The following LRCH1 variants were observed in gnomAD, a reference collection of about 807,000 sequenced individuals.
LRCH1 encodes leucine-rich repeat and calponin homology domain-containing protein 1.
Under a neutral mutation model 94.9 loss-of-function variants are expected in LRCH1, and 23 were observed. That is an observed-to-expected ratio of 0.24 (90% CI 0.17 to 0.34). The LOEUF is 0.34. LRCH1 is among the 10% of genes least tolerant of loss of function. The probability of loss-of-function intolerance (pLI) is 1.00; values close to 1 mark genes in which losing one functional copy is unlikely to be tolerated. For synonymous variants in LRCH1, 364 were observed against 354.9 expected (o/e 1.03, Z -0.29); for missense variants, 790 against 945.9 (o/e 0.84, Z 2.16).
At chr13:46,708,885 C>T (rs1200936245) in intron 13 of LRCH1, among the ~76,000 whole-genome samples, 1 of 152,188 alleles carries the variant, frequency 6.6e-6, no homozygotes, top group Non-Finnish European at 1.5e-5. Flanking sequence ...TTAGCATTCT[C>T]ACTTGAAGTG....
chr13:46,635,274 C>T (rs1413621057), intron 1 of LRCH1, among the ~76,000 whole-genome samples: 1 of 152,164 alleles, frequency 6.6e-6, no homozygotes, highest in Non-Finnish European at 1.5e-5. Flanking sequence ...TGCACTTAAA[C>T]CTTTAGCATA....
At chr13:46,629,229 A>G (rs1262163877) in intron 1 of LRCH1, among the ~76,000 whole-genome samples, 4 of 152,194 alleles carry the variant, frequency 2.6e-5, no homozygotes, top group Non-Finnish European at 5.9e-5. Context: ...TCTGTGGGGG[A>G]AAAAGACACC....
chr13:46,661,637 A>T (rs1465744408), intron 2 of LRCH1, among the ~76,000 whole-genome samples: 1 of 152,262 alleles, frequency 6.6e-6, no homozygotes, highest in Admixed American at 6.5e-5. Flanking sequence ...TATACAATAG[A>T]AGCTCTCTGA....
chr13:46,660,176 T>A (rs2051428946), intron 2 of LRCH1, among the ~76,000 whole-genome samples: 1 of 151,634 alleles, frequency 6.6e-6, no homozygotes, highest in Non-Finnish European at 1.5e-5. Flanking sequence ...CACGCCCGGC[T>A]AATTTTTTGT....
chr13:46,712,550 C>A lies in LRCH1; in HGVS notation c.1607C>A (p.Ser536Tyr), dbSNP rs1566243641. The change falls in exon 15 of 20, where the codon TCT becomes TAT. Residue 536 changes from serine to tyrosine, a missense_variant. By Grantham distance (144) the Ser-to-Tyr change is moderately radical. Coordinates refer to ENST00000389797, the MANE Select transcript of LRCH1 (RefSeq NM_001164211.2). ...ATTAGAGAGAACTCCCCTGCAGTCT[C>A]TCCTACCACAAACAGCACAGCTCCA... ...NEIRENSPAV[S>Y]PTTNSTAPFG... 1 of 1,613,964 alleles carries A rather than the reference C, an allele frequency of 6.2e-7. No homozygotes were observed. The highest frequency in any genetic ancestry group is 8.5e-7 in the Non-Finnish European group (1 of 1,179,838).
intron 1 of LRCH1, among the ~76,000 whole-genome samples, chr13:46,584,069 T>C (rs2050404065): frequency 6.6e-6 from 1 of 151,680 alleles, no homozygotes; most frequent in African/African-American, 2.4e-5. Flanking sequence ...GGTTAAAGAC[T>C]GAAAACTTTA....
chr13:46,576,239 A>C (rs553785237), intron 1 of LRCH1, among the ~76,000 whole-genome samples: 1 of 152,314 alleles, frequency 6.6e-6, no homozygotes, highest in African/African-American at 2.4e-5. Context: ...AGTTTTAGCA[A>C]GGTTCTCATG....
At chr13:46,596,542 T>A (rs1305551413) in intron 1 of LRCH1, among the ~76,000 whole-genome samples, 1 of 152,252 alleles carries the variant, frequency 6.6e-6, no homozygotes, top group African/African-American at 2.4e-5. Context: ...TATCTTAGCA[T>A]ATATCTGGAA....
intron 1 of LRCH1, among the ~76,000 whole-genome samples, chr13:46,626,802 A>G (rs1483579838): frequency 6.6e-6 from 1 of 152,204 alleles, no homozygotes. Flanking sequence ...TCTATCAAAT[A>G]TATAGCCATT....
chr13:46,674,714 A>G (rs1286883529), intron 3 of LRCH1, among the ~76,000 whole-genome samples: 1 of 152,238 alleles, frequency 6.6e-6, no homozygotes, highest in African/African-American at 2.4e-5. Context: ...TACATGTATT[A>G]TTTCATATAG....
At chr13:46,715,902 A>G (rs754268742) in intron 16 of LRCH1, among the ~76,000 whole-genome samples, 1 of 151,862 alleles carries the variant, frequency 6.6e-6, no homozygotes, top group Non-Finnish European at 1.5e-5. Flanking sequence ...GCATTATAAT[A>G]CTTTCTTTTC....
chr13:46,625,798 C>T (rs2050941604), intron 1 of LRCH1, among the ~76,000 whole-genome samples: 1 of 152,034 alleles, frequency 6.6e-6, no homozygotes, highest in Non-Finnish European at 1.5e-5. Flanking sequence ...GGACCACGGG[C>T]CTGTGCCACC....
At chr13:46,651,275 A>C (rs1349174199) in intron 2 of LRCH1, among the ~76,000 whole-genome samples, 1 of 152,258 alleles carries the variant, frequency 6.6e-6, no homozygotes, top group Non-Finnish European at 1.5e-5. Flanking sequence ...TCAATGAACC[A>C]GGTATAATGT....
At chr13:46,583,001 A>G (rs116795559) in intron 1 of LRCH1, among the ~76,000 whole-genome samples, 2,137 of 152,206 alleles carry the variant, frequency 0.014, 54 homozygotes, top group African/African-American at 0.048. Flanking sequence ...TTTCTGAAAA[A>G]TGTGTTCCCA....
intron 1 of LRCH1, among the ~76,000 whole-genome samples, chr13:46,603,248 G>C (rs1464453269): frequency 6.6e-6 from 1 of 152,098 alleles, no homozygotes; most frequent in Non-Finnish European, 1.5e-5. Flanking sequence ...TCCCTGGGGA[G>C]AGCAGAGCCA....
At chr13:46,720,858 T>G (rs1872559534) in intron 16 of LRCH1, among the ~76,000 whole-genome samples, 1 of 152,202 alleles carries the variant, frequency 6.6e-6, no homozygotes, top group East Asian at 1.9e-4. Context: ...GAGATTGCCT[T>G]AAGTTCTCTT....
intron 2 of LRCH1, among the ~76,000 whole-genome samples, chr13:46,656,305 A>G (rs563988501): frequency 1.3e-5 from 2 of 152,344 alleles, no homozygotes; most frequent in Middle Eastern, 3.4e-3. Flanking sequence ...ATTCTAAAGA[A>G]AGTCTCAATT....
intron 7 of LRCH1, among the ~76,000 whole-genome samples, chr13:46,691,133 CA>C: frequency 6.6e-6 from 1 of 152,284 alleles, no homozygotes; most frequent in East Asian, 1.9e-4. Flanking sequence ...AACTTAGGAG[CA>C]AGCCACAATC....
chr13:46,676,209 C>T (rs11620465), intron 3 of LRCH1, among the ~76,000 whole-genome samples: 75,372 of 151,286 alleles, frequency 0.5, 19,413 homozygotes, highest in South Asian at 0.58. Context: ...TGCAGCAAGC[C>T]GAGATTGCGC....
Sources: allele counts gnomAD v4.1 joint callset (sites outside exome capture counted in the v4.1 genomes callset), GRCh38; gene constraint gnomAD v4.1.1; transcripts MANE v1.5; gene names NCBI Gene and HGNC (gene_info 2026-07-23, HGNC 2026-07-21).